The following TNKS2 variants were observed in gnomAD, a reference collection of about 807,000 sequenced individuals.
TNKS2 encodes poly [ADP-ribose] polymerase tankyrase-2.
Under a neutral mutation model 137.6 loss-of-function variants are expected in TNKS2, and 72 were observed. The ratio of observed to expected loss-of-function variants is 0.52; its 90% CI spans 0.43 to 0.64. The LOEUF is 0.64. Among genes scored for constraint, TNKS2 ranks in the 30% least tolerant of loss-of-function variants. TNKS2 has a pLI of 0.00. For synonymous variants in TNKS2, 516 were observed against 512.1 expected, an observed-to-expected ratio of 1.01 and a Z score of -0.10; for missense variants, 1,049 against 1,410.2, an observed-to-expected ratio of 0.74 and a Z score of 4.10.
At chr10:91,841,178 A>G (rs1001451471) in intron 14 of TNKS2, 105 bp from the exon 15 acceptor site, 15 of 1,064,628 alleles carry the variant, frequency 1.4e-5, no homozygotes, top group Non-Finnish European at 1.9e-5. Flanking sequence ...TATAATCAGT[A>G]TAATTCCTTA....
intron 24 of TNKS2, among the ~76,000 whole-genome samples, chr10:91,858,000 T>A (rs950874170): frequency 6.6e-6 from 1 of 152,238 alleles, no homozygotes; most frequent in Admixed American, 6.5e-5. Context: ...AACCATAGAA[T>A]TGAATTGAAA....
At chr10:91,811,134 C>T (rs1370465493) in intron 1 of TNKS2, among the ~76,000 whole-genome samples, 1 of 151,696 alleles carries the variant, frequency 6.6e-6, no homozygotes, top group Non-Finnish European at 1.5e-5. Flanking sequence ...CCATGCTGGC[C>T]AGGCTGGTCT....
At chr10:91,861,311 T>C (rs372225293) in intron 25 of TNKS2, among the ~76,000 whole-genome samples, 49 of 152,320 alleles carry the variant, frequency 3.2e-4, no homozygotes, top group African/African-American at 1.1e-3. Flanking sequence ...AGAAAACTAA[T>C]GTGCATGGGG....
Position 91,862,928 on chromosome 10 carries a change from C to G in TNKS2, c.3439-9C>G. 6.3e-7 allele frequency: 1 copy of G among 1,593,890 alleles called. No homozygotes were observed. Reference sequence around the variant, plus strand: ...TGTACCATTATTTGAATTTATCTTTCTCTTCCAGGCTTATCCTGAGTATTT... The same window carrying G: ...TGTACCATTATTTGAATTTATCTTTGTCTTCCAGGCTTATCCTGAGTATTT... On this transcript the variant is annotated splice_polypyrimidine_tract_variant and intron_variant, in intron 26 of 26. Transcript: ENST00000371627.
Position 91,848,501 on chromosome 10 carries a change from C to T in TNKS2, c.2477C>T (p.Ser826Phe). ...CCAGGAGCCACTGCAGATGCTCTCTCTTCAGGTCCATCTAGCCCATCAAGC... is the reference window on the plus strand; with the variant it reads ...CCAGGAGCCACTGCAGATGCTCTCTTTTCAGGTCCATCTAGCCCATCAAGC... ...RSPGATADAL[S>F]SGPSSPSSLS... Residue 826 changes from serine (S) to phenylalanine (F), a missense_variant, in exon 19 of 27, where the codon TCT (serine) becomes TTT (phenylalanine). Ser to Phe is a radical substitution (Grantham distance 155, BLOSUM62 -2). Coordinates refer to ENST00000371627, the MANE Select transcript of TNKS2 (RefSeq NM_025235.4). 1 of 1,614,154 alleles carries T rather than the reference C, an allele frequency of 6.2e-7. No homozygotes were observed. Among genetic ancestry groups the T allele is most frequent in the Non-Finnish European group, 8.5e-7 (1 of 1,180,026 alleles).
At chr10:91,819,868 GT>G in intron 5 of TNKS2, 70 bp from the exon 6 acceptor site, 1 of 1,275,788 alleles carries the variant, frequency 7.8e-7, no homozygotes, top group Non-Finnish European at 1.1e-6. Flanking sequence ...TTATATTTGG[GT>G]TTTTTCCCTC....
intron 17 of TNKS2, 120 bp from the exon 18 acceptor site, chr10:91,845,632 T>C (rs1296599742): frequency 1.3e-6 from 1 of 777,798 alleles, no homozygotes; most frequent in Non-Finnish European, 1.9e-6. Context: ...AAAGAGTTTT[T>C]CTTTTCATTT....
chr10:91,854,150 A>G (rs1014699681), intron 21 of TNKS2, among the ~76,000 whole-genome samples: 2 of 152,210 alleles, frequency 1.3e-5, no homozygotes, highest in African/African-American at 2.4e-5. Flanking sequence ...TTCTCATTCT[A>G]GGGTGATTTA....
chr10:91,837,679 G>A (rs1329886963), intron 13 of TNKS2, among the ~76,000 whole-genome samples: 2 of 152,178 alleles, frequency 1.3e-5, no homozygotes, highest in Non-Finnish European at 2.9e-5. Context: ...GGCCAACATG[G>A]CGAAACCCCG....
intron 24 of TNKS2, 39 bp downstream of exon 24, chr10:91,857,569 C>T (rs368145042): frequency 2.7e-5 from 37 of 1,358,358 alleles, no homozygotes; most frequent in Non-Finnish European, 3.7e-5. Flanking sequence ...CTGTCTTCCA[C>T]ATTAGGATAG....
intron 9 of TNKS2, among the ~76,000 whole-genome samples, chr10:91,829,184 T>G (rs923941946): frequency 6.6e-6 from 1 of 152,110 alleles, no homozygotes; most frequent in Non-Finnish European, 1.5e-5. Flanking sequence ...TATGAGAAGT[T>G]TTTTGCCTTA....
At chr10:91,832,159 T>C (rs2133636529) in intron 11 of TNKS2, among the ~76,000 whole-genome samples, 1 of 152,336 alleles carries the variant, frequency 6.6e-6, no homozygotes, top group African/African-American at 2.4e-5. Flanking sequence ...TCTTTCCTAT[T>C]GTAAATTATT....
chr10:91,805,042 G>A (rs186789467), intron 1 of TNKS2, among the ~76,000 whole-genome samples: 4 of 152,116 alleles, frequency 2.6e-5, no homozygotes, highest in Admixed American at 2.6e-4. Flanking sequence ...GGGATTACAG[G>A]TGTGAGCCAC....
chr10:91,822,232 A>T (rs1844912721), intron 6 of TNKS2, 64 bp from the exon 7 acceptor site: 1 of 1,269,756 alleles, frequency 7.9e-7, no homozygotes. Context: ...ATTTTAATTT[A>T]TAAATTTCCC....
intron 1 of TNKS2, among the ~76,000 whole-genome samples, chr10:91,808,670 A>G (rs1295546353): frequency 6.6e-6 from 1 of 152,188 alleles, no homozygotes; most frequent in Non-Finnish European, 1.5e-5. Context: ...AAATATCCAG[A>G]AGGAAATATG....
At chr10:91,855,490 A>G in intron 22 of TNKS2, 124 bp from the exon 23 acceptor site, 3 of 842,666 alleles carry the variant, frequency 3.6e-6, no homozygotes, top group Non-Finnish European at 1.8e-6. Context: ...TTTGAATAAC[A>G]AAAATATTAA....
At chr10:91,815,296 T>C (rs986555989) in intron 2 of TNKS2, among the ~76,000 whole-genome samples, 1 of 152,222 alleles carries the variant, frequency 6.6e-6, no homozygotes, top group Non-Finnish European at 1.5e-5. Context: ...CCAGCTTAGT[T>C]GAAATGAGGT....
At chr10:91,839,273 C>T (rs975684837) in intron 13 of TNKS2, among the ~76,000 whole-genome samples, 11 of 152,216 alleles carry the variant, frequency 7.2e-5, no homozygotes, top group African/African-American at 2.7e-4. Flanking sequence ...CTCCTCTGAA[C>T]CAAAGAGCAC....
rs1539042 is a variant in TNKS2 at position 91,864,260 on chromosome 10, C to G, written c.*1261C>G. ...CAGTTTGTGCACCATATGGTGACCA[C>G]GCCTGTGCTCAGTTTGGCAGCTATA... On this transcript the variant is annotated 3_prime_UTR_variant, in exon 27 of 27. Transcript: ENST00000371627. The G allele has an allele frequency of 0.52, 78,850 of 152,368 alleles. 20,854 individuals are homozygous for G. The highest frequency in any genetic ancestry group is 0.72 in the East Asian group (3,702 of 5,162). The allele number at this position is 152,368 out of a possible 1,614,324, so 9.4% of individuals were successfully genotyped here.
Sources: gnomAD v4.1 joint callset for allele counts (sites outside exome capture counted in the v4.1 genomes callset) on GRCh38, gnomAD v4.1.1 for gene constraint, MANE v1.5 for transcripts, NCBI Gene and HGNC (gene_info 2026-07-23, HGNC 2026-07-21) for gene names.